DACH1: variants seen among roughly 807,000 people sequenced by gnomAD.
DACH1 encodes dachshund family transcription factor 1.
A neutral mutation model predicts 54.2 loss-of-function variants in DACH1; 12 were observed. The observed-to-expected ratio is 0.22, with a 90% confidence interval of 0.14 to 0.36. DACH1 has a LOEUF of 0.36. Ranked by LOEUF, DACH1 falls within the 10% of genes least tolerant of loss-of-function variation. DACH1 has a pLI of 1.00. For synonymous variants in DACH1, 386 were observed against 366.2 expected (o/e 1.05, Z -0.62); for missense variants, 805 against 929.8 (o/e 0.87, Z 1.75).
At chr13:71,588,792 A>C (rs894095789) in intron 3 of DACH1, among the ~76,000 whole-genome samples, 2 of 151,906 alleles carry the variant, frequency 1.3e-5, no homozygotes, top group African/African-American at 4.8e-5. Flanking sequence ...TACTGTGTGA[A>C]GATAAATAAA....
At chr13:71,506,696 A>G (rs1880355447) in intron 6 of DACH1, among the ~76,000 whole-genome samples, 2 of 152,290 alleles carry the variant, frequency 1.3e-5, no homozygotes, top group South Asian at 4.1e-4. Context: ...TGGTACTGGT[A>G]CCAAAACAGA....
At chr13:71,854,422 TCTGTGCAGTAATAAGGATTA>T (rs1873867710) in intron 1 of DACH1, among the ~76,000 whole-genome samples, 1 of 152,136 alleles carries the variant, frequency 6.6e-6, no homozygotes, top group African/African-American at 2.4e-5. Context: ...CATGTACAAT[TCTGTGCAGTAATAAGGATTA>T]CTCTACTTTT....
intron 3 of DACH1, among the ~76,000 whole-genome samples, chr13:71,625,152 A>G (rs1411425849): frequency 6.6e-6 from 1 of 151,910 alleles, no homozygotes; most frequent in Non-Finnish European, 1.5e-5. Context: ...ACTACTGTAG[A>G]CACTCTTAAA....
intron 1 of DACH1, among the ~76,000 whole-genome samples, chr13:71,855,411 T>A (rs1468901841): frequency 6.6e-6 from 1 of 152,000 alleles, no homozygotes; most frequent in African/African-American, 2.4e-5. Flanking sequence ...TAGGTCTTGA[T>A]TCTGTAATCT....
intron 10 of DACH1, among the ~76,000 whole-genome samples, chr13:71,449,385 C>T (rs984826569): frequency 1.3e-5 from 2 of 151,380 alleles, no homozygotes; most frequent in Non-Finnish European, 3.0e-5. Context: ...ACCAACATGG[C>T]CTTGCTTATT....
At chr13:71,719,793 A>G (rs964728203) in intron 1 of DACH1, among the ~76,000 whole-genome samples, 8 of 152,056 alleles carry the variant, frequency 5.3e-5, no homozygotes, top group African/African-American at 1.9e-4. Flanking sequence ...TGAGCACAGG[A>G]GGTTGAGGCT....
chr13:71,719,940 C>A (rs1883150335), intron 1 of DACH1, among the ~76,000 whole-genome samples: 1 of 152,036 alleles, frequency 6.6e-6, no homozygotes, highest in African/African-American at 2.4e-5. Context: ...ACTTTTAGTT[C>A]TTTATTTATC....
chr13:71,779,194 TAC>T, intron 1 of DACH1, among the ~76,000 whole-genome samples: 1 of 124,620 alleles, frequency 8.0e-6, no homozygotes, highest in Non-Finnish European at 1.6e-5. Flanking sequence ...TATACGTATA[TAC>T]GTATATATGT....
intron 6 of DACH1, among the ~76,000 whole-genome samples, chr13:71,496,688 C>T (rs1593788554): frequency 1.3e-5 from 2 of 152,016 alleles, no homozygotes; most frequent in East Asian, 3.9e-4. Flanking sequence ...TAAAATTACA[C>T]TTGTACCACA....
intron 3 of DACH1, among the ~76,000 whole-genome samples, chr13:71,615,575 A>T (rs1291512572): frequency 1.3e-5 from 2 of 152,292 alleles, no homozygotes; most frequent in East Asian, 1.9e-4. Flanking sequence ...CGTACTTTTT[A>T]AAAAGTGTAG....
At chr13:71,746,466 TA>T (rs925384293) in intron 1 of DACH1, among the ~76,000 whole-genome samples, 5 of 152,084 alleles carry the variant, frequency 3.3e-5, no homozygotes, top group Non-Finnish European at 7.4e-5. Context: ...AATGTGGCAC[TA>T]AAAAAGGCAT....
At chr13:71,720,088 A>T (rs1883159544) in intron 1 of DACH1, among the ~76,000 whole-genome samples, 1 of 152,208 alleles carries the variant, frequency 6.6e-6, no homozygotes, top group Non-Finnish European at 1.5e-5. Flanking sequence ...TTCTCTAAGA[A>T]GATGAGACTT....
intron 1 of DACH1, among the ~76,000 whole-genome samples, chr13:71,826,607 G>T (rs1888392323): frequency 6.6e-6 from 1 of 151,892 alleles, no homozygotes; most frequent in Admixed American, 6.6e-5. Flanking sequence ...ATGTAGTTGT[G>T]TATACATAAA....
chr13:71,645,928 T>G (rs2138609695), intron 2 of DACH1, among the ~76,000 whole-genome samples: 1 of 152,278 alleles, frequency 6.6e-6, no homozygotes, highest in South Asian at 2.1e-4. Flanking sequence ...CTTGAGAAAT[T>G]TCAAGTTTGG....
chr13:71,615,316 A>C (rs1450053349), intron 3 of DACH1, among the ~76,000 whole-genome samples: 1 of 152,182 alleles, frequency 6.6e-6, no homozygotes, highest in Non-Finnish European at 1.5e-5. Flanking sequence ...CACAGTCTTA[A>C]TCTGGCTAAT....
At chr13:71,552,842 T>TAGAGAGAGAG (rs1167871695) in intron 6 of DACH1, among the ~76,000 whole-genome samples, 30 of 12,524 alleles carry the variant, frequency 2.4e-3, no homozygotes, top group Non-Finnish European at 3.4e-3. Flanking sequence ...TATATATATA[T>TAGAGAGAGAG]AGAGAGAGAG....
At chr13:71,524,347 T>C (rs1173802168) in intron 6 of DACH1, among the ~76,000 whole-genome samples, 2 of 152,166 alleles carry the variant, frequency 1.3e-5, no homozygotes, top group Admixed American at 1.3e-4. Flanking sequence ...AAATAATTTA[T>C]GGATATTTCA....
chr13:71,570,939 T>G (rs879545331), intron 4 of DACH1, among the ~76,000 whole-genome samples: 13 of 152,204 alleles, frequency 8.5e-5, no homozygotes, highest in Admixed American at 2.0e-4. Context: ...AATATGTGTA[T>G]ATTGCAAAAT....
chr13:71,535,422 C>T (rs1290770640), intron 6 of DACH1, among the ~76,000 whole-genome samples: 1 of 151,648 alleles, frequency 6.6e-6, no homozygotes, highest in African/African-American at 2.4e-5. Flanking sequence ...TAACCAAGAA[C>T]TCAAAAATAA....
Sources: gnomAD v4.1 joint callset for allele counts (sites outside exome capture counted in the v4.1 genomes callset) on GRCh38, gnomAD v4.1.1 for gene constraint, MANE v1.5 for transcripts, NCBI Gene and HGNC (gene_info 2026-07-23, HGNC 2026-07-21) for gene names.